Variants in SMIM13 observed in about 807,000 individuals in gnomAD.
SMIM13 encodes the protein UPF0766 protein C6orf228.
In SMIM13, 3 loss-of-function variants were observed where a neutral mutation model predicts 5.9. The ratio of observed to expected loss-of-function variants is 0.51; its 90% CI spans 0.23 to 1.31. The LOEUF (loss-of-function observed/expected upper bound fraction) is 1.31. Ranked by LOEUF, SMIM13 falls within the 40% of genes most tolerant of loss-of-function variation. SMIM13 has a pLI of 0.18. For synonymous variants in SMIM13, 55 were observed against 46.0 expected, an observed-to-expected ratio of 1.19 and a Z score of -0.79; for missense variants, 85 against 109.9, an observed-to-expected ratio of 0.77 and a Z score of 1.01.
chr6:11,126,445 T>C (rs1040618953), intron 1 of SMIM13, among the ~76,000 whole-genome samples: 16 of 152,220 alleles, frequency 1.1e-4, no homozygotes, highest in African/African-American at 3.9e-4. Context: ...TTCCTCAGTA[T>C]GTCAGTTGAA....
chr6:11,105,291 AC>A (rs1758068683), intron 1 of SMIM13: 4 of 1,613,526 alleles, frequency 2.5e-6, no homozygotes, highest in Non-Finnish European at 2.5e-6. Context: ...GAGAATGAGA[AC>A]CAGCAGGAGC....
chr6:11,127,433 C>T (rs993511936), intron 1 of SMIM13, among the ~76,000 whole-genome samples: 6 of 152,204 alleles, frequency 3.9e-5, no homozygotes, highest in Non-Finnish European at 8.8e-5. Context: ...CTTCCAGCCA[C>T]CAGTGTTCAC....
chr6:11,113,217 T>C (rs1758193315), intron 1 of SMIM13, among the ~76,000 whole-genome samples: 1 of 152,230 alleles, frequency 6.6e-6, no homozygotes, highest in Admixed American at 6.5e-5. Flanking sequence ...TTCATTTCTC[T>C]TGAGAAACTG....
chr6:11,108,119 A>G lies in SMIM13; in HGVS notation c.76+13730A>G, dbSNP rs558264320. ...AGCAAAATATCTCTACCCAAAAGGTATGTAGGGTATTCTGGCATCACTAAA... is the reference window on the plus strand; with the variant it reads ...AGCAAAATATCTCTACCCAAAAGGTGTGTAGGGTATTCTGGCATCACTAAA... On this transcript the variant is annotated intron_variant, in intron 1 of 1. Transcript: ENST00000416247. Among the ~76,000 whole-genome samples, 4 of 152,348 alleles carry G rather than the reference A, an allele frequency of 2.6e-5. No individual in the cohort carries two copies. In the South Asian group the frequency reaches 8.3e-4, roughly 32 times the overall value.
In SMIM13 at chr6:11,135,227, T is replaced by C. The variant is rs144164389; in HGVS notation, c.*625T>C. On this transcript the variant is annotated 3_prime_UTR_variant, in exon 2 of 2. Transcript: ENST00000416247. ...ACATTTGATATTAGTGAAGCAAATA[T>C]TCGTCGCTGGAGAAATGATCGCAAT... 92 of 152,736 alleles carry C rather than the reference T, an allele frequency of 6.0e-4. No homozygotes were observed. Among genetic ancestry groups the C allele is most frequent in the African/African-American group, 2.0e-3 (82 of 41,556 alleles). The allele number at this position is 152,736 out of a possible 1,614,324, so 9.5% of individuals were successfully genotyped here.
intron 1 of SMIM13, among the ~76,000 whole-genome samples, chr6:11,096,929 G>A (rs1757932358): frequency 6.6e-6 from 1 of 152,160 alleles, no homozygotes; most frequent in South Asian, 2.1e-4. Flanking sequence ...AACCTCAGGT[G>A]ATCCACCCGC....
chr6:11,131,723 C>T (rs917120089), intron 1 of SMIM13, among the ~76,000 whole-genome samples: 2 of 152,066 alleles, frequency 1.3e-5, no homozygotes, highest in Admixed American at 6.6e-5. Context: ...AGCTTGATTT[C>T]CTCATGCAAA....
rs914351813 is a variant in SMIM13 at position 11,137,619 on chromosome 6, C to T, written c.*3017C>T. On this transcript the variant is annotated 3_prime_UTR_variant, in exon 2 of 2. Transcript: ENST00000416247. ...AAGATTAATTCTAAAATTGAGGACTCTGGTAGGTTGTTTTATTTCCTTCCC... is the reference window on the plus strand; with the variant it reads ...AAGATTAATTCTAAAATTGAGGACTTTGGTAGGTTGTTTTATTTCCTTCCC... The T allele has an allele frequency of 1.3e-5, 2 of 152,168 alleles. No individual in the cohort carries two copies. The highest frequency in any genetic ancestry group is 4.8e-5 in the African/African-American group (2 of 41,444). 9.4% of individuals were successfully genotyped at this position (152,168 alleles called of 1,614,324 possible).
chr6:11,113,267 G>T (rs986408089), intron 1 of SMIM13, among the ~76,000 whole-genome samples: 23 of 152,216 alleles, frequency 1.5e-4, no homozygotes, highest in African/African-American at 5.5e-4. Context: ...GTGAGAATTT[G>T]TTACTCCGCA....
At chr6:11,110,756 C>T (rs896463650) in intron 1 of SMIM13, among the ~76,000 whole-genome samples, 8 of 152,112 alleles carry the variant, frequency 5.3e-5, no homozygotes, top group South Asian at 2.1e-4. Flanking sequence ...GAGAGGGCAA[C>T]GTTTATTTGC....
In SMIM13 at chr6:11,137,152, A is replaced by G. The variant is rs967493188; in HGVS notation, c.*2550A>G. On this transcript the variant is annotated 3_prime_UTR_variant, in exon 2 of 2. Coordinates refer to ENST00000416247, the MANE Select transcript of SMIM13 (RefSeq NM_001135575.2). ...AGCATGTCTTATTTTATGTAATTTT[A>G]AGAAATACTCTATTTAACTTGTGAA... 1 of 152,154 alleles carries G rather than the reference A, an allele frequency of 6.6e-6. No individual in the cohort carries two copies. Among genetic ancestry groups the G allele is most frequent in the Non-Finnish European group, 1.5e-5 (1 of 68,008 alleles). The allele number at this position is 152,154 out of a possible 1,614,324, so 9.4% of individuals were successfully genotyped here.
intron 1 of SMIM13, among the ~76,000 whole-genome samples, chr6:11,128,125 G>T (rs1263379034): frequency 1.3e-5 from 2 of 152,144 alleles, no homozygotes; most frequent in Non-Finnish European, 2.9e-5. Context: ...AATGTGCTGG[G>T]TCACATCTGA....
chr6:11,117,786 G>C (rs1758261125), intron 1 of SMIM13, among the ~76,000 whole-genome samples: 1 of 145,818 alleles, frequency 6.9e-6, no homozygotes. Flanking sequence ...GTCTCTCTCT[G>C]TCACCCAGGC....
At chr6:11,119,512 G>T (rs1758284211) in intron 1 of SMIM13, among the ~76,000 whole-genome samples, 1 of 152,160 alleles carries the variant, frequency 6.6e-6, no homozygotes, top group African/African-American at 2.4e-5. Flanking sequence ...AAATTAGCCA[G>T]GCGTGGTGGC....
At chr6:11,105,667 T>C (rs933005208) in intron 1 of SMIM13, 1 of 200,564 alleles carries the variant, frequency 5.0e-6, no homozygotes, top group Admixed American at 5.3e-5. Context: ...AAGGGGCCCT[T>C]TCAAATAGGA....
chr6:11,111,666 A>C (rs1024072077), intron 1 of SMIM13: 2 of 152,290 alleles, frequency 1.3e-5, no homozygotes, highest in African/African-American at 4.8e-5. Context: ...CAAGGCGTAG[A>C]GGTGTCTTAC....
At chr6:11,097,327 A>G (rs796621583) in intron 1 of SMIM13, among the ~76,000 whole-genome samples, 16 of 152,076 alleles carry the variant, frequency 1.1e-4, no homozygotes, top group African/African-American at 3.4e-4. Flanking sequence ...TCCTCACCCT[A>G]TGACTTTATT....
intron 1 of SMIM13, among the ~76,000 whole-genome samples, chr6:11,097,776 A>G (rs1233451761): frequency 6.6e-6 from 1 of 152,150 alleles, no homozygotes; most frequent in Non-Finnish European, 1.5e-5. Flanking sequence ...AACAAGCACC[A>G]TGTCTTTAGC....
chr6:11,117,866 C>T (rs970150784), intron 1 of SMIM13, among the ~76,000 whole-genome samples: 1 of 152,106 alleles, frequency 6.6e-6, no homozygotes, highest in African/African-American at 2.4e-5. Flanking sequence ...TCTTGTGCCT[C>T]AGCCTTGCAA....
Sources: gnomAD v4.1 joint callset for allele counts (sites outside exome capture counted in the v4.1 genomes callset) on GRCh38, gnomAD v4.1.1 for gene constraint, MANE v1.5 for transcripts, NCBI Gene and HGNC (gene_info 2026-07-23, HGNC 2026-07-21) for gene names.